Variants in IMMP2L observed in about 807,000 individuals in gnomAD.
IMMP2L encodes mitochondrial inner membrane protease subunit 2.
A neutral mutation model predicts 19.3 loss-of-function variants in IMMP2L; 18 were observed. The ratio of observed to expected loss-of-function variants is 0.93; its 90% CI spans 0.64 to 1.38. The LOEUF is 1.38. IMMP2L is among the 40% of genes most tolerant of loss of function. IMMP2L has a pLI of 0.00. For missense variants in IMMP2L, 233 were observed against 218.2 expected (o/e 1.07, Z -0.43); for synonymous variants, 76 against 73.0 (o/e 1.04, Z -0.21).
chr7:110,696,099 G>T (rs971518379), intron 5 of IMMP2L, among the ~76,000 whole-genome samples: 2 of 152,186 alleles, frequency 1.3e-5, no homozygotes, highest in African/African-American at 4.8e-5. Flanking sequence ...GCAGAGTAGG[G>T]TGAATGAAAA....
intron 5 of IMMP2L, among the ~76,000 whole-genome samples, chr7:110,818,455 C>G (rs1049826942): frequency 5.3e-5 from 8 of 152,056 alleles, no homozygotes; most frequent in Non-Finnish European, 8.8e-5. Flanking sequence ...ATTAAAAAGT[C>G]AGGAAACAAC....
At chr7:111,301,457 C>A (rs886175025) in intron 3 of IMMP2L, among the ~76,000 whole-genome samples, 3 of 151,742 alleles carry the variant, frequency 2.0e-5, no homozygotes, top group Middle Eastern at 3.4e-3. Context: ...TTACACAGAA[C>A]AAATAAGGCC....
chr7:110,722,736 C>G (rs1244649512), intron 5 of IMMP2L, among the ~76,000 whole-genome samples: 1 of 152,044 alleles, frequency 6.6e-6, no homozygotes, highest in East Asian at 1.9e-4. Flanking sequence ...AAATCAAACC[C>G]TGGTTTAGAG....
intron 5 of IMMP2L, among the ~76,000 whole-genome samples, chr7:110,748,742 A>G (rs747611212): frequency 3.3e-5 from 5 of 152,224 alleles, no homozygotes; most frequent in Non-Finnish European, 7.3e-5. Flanking sequence ...TTATACAAAA[A>G]TTAACTCAAG....
At chr7:111,243,433 C>G (rs1175932331) in intron 3 of IMMP2L, among the ~76,000 whole-genome samples, 4 of 151,526 alleles carry the variant, frequency 2.6e-5, no homozygotes, top group Middle Eastern at 3.2e-3. Flanking sequence ...GTTTTCCAGT[C>G]CTTCATGTTT....
chr7:111,409,702 G>C (rs930149120), intron 3 of IMMP2L, among the ~76,000 whole-genome samples: 1 of 151,674 alleles, frequency 6.6e-6, no homozygotes, highest in Non-Finnish European at 1.5e-5. Flanking sequence ...TTCAGATTTA[G>C]AAAAATTACA....
intron 3 of IMMP2L, among the ~76,000 whole-genome samples, chr7:111,258,499 T>C (rs1816966442): frequency 6.6e-6 from 1 of 152,140 alleles, no homozygotes; most frequent in Admixed American, 6.6e-5. Context: ...AAAAGCATTT[T>C]TTAATTTTAC....
chr7:111,155,025 T>C (rs987905496), intron 3 of IMMP2L, among the ~76,000 whole-genome samples: 1 of 152,090 alleles, frequency 6.6e-6, no homozygotes, highest in Non-Finnish European at 1.5e-5. Context: ...TCCCAAAGAC[T>C]GACATTACAG....
chr7:111,001,208 CCTGT>C (rs1490284656), intron 3 of IMMP2L, among the ~76,000 whole-genome samples: 1 of 152,108 alleles, frequency 6.6e-6, no homozygotes, highest in East Asian at 1.9e-4. Flanking sequence ...TGCTAAAACA[CCTGT>C]CTGTTGTTAT....
chr7:111,113,225 C>T (rs1799452001), intron 3 of IMMP2L, among the ~76,000 whole-genome samples: 1 of 152,166 alleles, frequency 6.6e-6, no homozygotes, highest in Non-Finnish European at 1.5e-5. Context: ...ACCTTCTTTA[C>T]AAACCAGTGA....
chr7:111,193,748 A>G (rs2129613627), intron 3 of IMMP2L, among the ~76,000 whole-genome samples: 1 of 152,274 alleles, frequency 6.6e-6, no homozygotes, highest in South Asian at 2.1e-4. Flanking sequence ...TAATTGATAT[A>G]CCTAATTAAG....
In IMMP2L at chr7:111,305,414, C is replaced by T. The variant is rs181937884; in HGVS notation, c.239+181824G>A. On this transcript the variant is annotated intron_variant, in intron 3 of 5. Transcript: ENST00000405709. ...CGCGATCTCAGCTCACTGCAACCTCCGCCTCCCAAGTTCAAGTGATTCTCC... is the reference window on the plus strand; with the variant it reads ...CGCGATCTCAGCTCACTGCAACCTCTGCCTCCCAAGTTCAAGTGATTCTCC... Among the ~76,000 whole-genome samples the T allele has an allele frequency of 3.5e-3, 528 of 152,190 alleles. 6 individuals carry two copies. Among genetic ancestry groups the T allele is most frequent in the African/African-American group, 0.012 (507 of 41,528 alleles).
intron 5 of IMMP2L, chr7:110,725,769 G>C (rs1795847154): frequency 1.3e-5 from 2 of 152,178 alleles, no homozygotes; most frequent in African/African-American, 4.8e-5. Flanking sequence ...TTAGAGGCTG[G>C]TTTATTCTGA....
intron 3 of IMMP2L, chr7:111,100,038 T>A (rs1797804311): frequency 6.6e-6 from 1 of 151,710 alleles, no homozygotes; most frequent in Non-Finnish European, 1.5e-5. Flanking sequence ...GAGAAGCATT[T>A]GCCCAACTTC....
At chr7:110,671,985 G>A (rs568923595) in intron 5 of IMMP2L, among the ~76,000 whole-genome samples, 1 of 151,958 alleles carries the variant, frequency 6.6e-6, no homozygotes, top group Admixed American at 6.6e-5. Context: ...AGAACTGTGA[G>A]CAATACATTT....
intron 5 of IMMP2L, among the ~76,000 whole-genome samples, chr7:110,761,568 G>T (rs959903541): frequency 6.6e-6 from 1 of 152,160 alleles, no homozygotes; most frequent in African/African-American, 2.4e-5. Context: ...CCTCTCAGGA[G>T]ATTTTAAATT....
At chr7:111,361,535 T>C (rs1018158434) in intron 3 of IMMP2L, among the ~76,000 whole-genome samples, 55 of 152,150 alleles carry the variant, frequency 3.6e-4, no homozygotes, top group African/African-American at 2.4e-5. Context: ...AACTCCAACA[T>C]AAAATTTTTC....
chr7:111,254,997 A>G (rs1415862273), intron 3 of IMMP2L, among the ~76,000 whole-genome samples: 1 of 152,132 alleles, frequency 6.6e-6, no homozygotes, highest in Non-Finnish European at 1.5e-5. Context: ...ACGATCCTAT[A>G]ACCAAATATA....
intron 3 of IMMP2L, among the ~76,000 whole-genome samples, chr7:111,003,457 G>A (rs951390082): frequency 1.3e-5 from 2 of 151,714 alleles, no homozygotes; most frequent in Non-Finnish European, 2.9e-5. Context: ...AGTACTACAC[G>A]AATAAAAATT....
Sources: allele counts gnomAD v4.1 joint callset (sites outside exome capture counted in the v4.1 genomes callset), GRCh38; gene constraint gnomAD v4.1.1; transcripts MANE v1.5; gene names NCBI Gene and HGNC (gene_info 2026-07-23, HGNC 2026-07-21).